Variants in MMP20 observed in about 807,000 individuals in gnomAD.
The protein encoded by MMP20 is matrix metallopeptidase 20.
Under a neutral mutation model 51.8 loss-of-function variants are expected in MMP20, and 50 were observed. The observed-to-expected ratio is 0.97, with a 90% confidence interval of 0.77 to 1.22. The LOEUF (loss-of-function observed/expected upper bound fraction) is 1.22. Ranked by LOEUF, MMP20 falls within the 50% of genes most tolerant of loss-of-function variation. The pLI is 0.00. For synonymous variants in MMP20, 244 were observed against 216.2 expected, an observed-to-expected ratio of 1.13 and a Z score of -1.13; for missense variants, 663 against 601.4, an observed-to-expected ratio of 1.10 and a Z score of -1.07.
chr11:102,611,152 T>C (rs1475894899), intron 3 of MMP20, among the ~76,000 whole-genome samples: 1 of 152,212 alleles, frequency 6.6e-6, no homozygotes, highest in Non-Finnish European at 1.5e-5. Context: ...AGATTAAAAT[T>C]AAGATCTGGG....
Position 102,616,946 on chromosome 11 carries a change from G to A in MMP20, c.240C>T (p.Gly80=). The change falls in exon 2 of 10, where the codon GGC becomes GGT. Residue 80 remains glycine, a synonymous_variant. Coordinates refer to ENST00000260228, the MANE Select transcript of MMP20 (RefSeq NM_004771.4). ...RKIKELQAFF[G]LQVTGKLDQT... is the part of the protein sequence containing the mutation. ...GGTCTAACTTCCCGGTGACTTGGAGGCCAAAGAACGCTTGTAGCTCCTTAA... is the reference window on the plus strand; with the variant it reads ...GGTCTAACTTCCCGGTGACTTGGAGACCAAAGAACGCTTGTAGCTCCTTAA... 6.2e-7 allele frequency: 1 copy of A among 1,614,174 alleles called. No individual in the cohort carries two copies. Among genetic ancestry groups the A allele is most frequent in the Non-Finnish European group, 8.5e-7 (1 of 1,180,046 alleles).
At chr11:102,601,798 C>G (rs1280408938) in intron 6 of MMP20, among the ~76,000 whole-genome samples, 2 of 152,172 alleles carry the variant, frequency 1.3e-5, no homozygotes, top group African/African-American at 2.4e-5. Context: ...AGGCTTCTAC[C>G]TGCTTTAACT....
At chr11:102,623,862 G>T (rs942460116) in intron 1 of MMP20, among the ~76,000 whole-genome samples, 6 of 152,202 alleles carry the variant, frequency 3.9e-5, no homozygotes, top group South Asian at 2.1e-4. Flanking sequence ...ATGAGGCAGG[G>T]TAGGGAAAAT....
At chr11:102,597,853 C>T (rs111510754) in intron 6 of MMP20, among the ~76,000 whole-genome samples, 172 of 152,106 alleles carry the variant, frequency 1.1e-3, no homozygotes, top group African/African-American at 4.1e-3. Context: ...TGGCAACTTC[C>T]GCCTCCTGGG....
chr11:102,584,199 C>G (rs915137008), intron 8 of MMP20, among the ~76,000 whole-genome samples: 15 of 152,150 alleles, frequency 9.9e-5, no homozygotes, highest in African/African-American at 3.6e-4. Flanking sequence ...TTTTGAGGAG[C>G]AGGAGACTGC....
chr11:102,614,940 A>G (rs1859648642), intron 2 of MMP20, among the ~76,000 whole-genome samples: 1 of 152,094 alleles, frequency 6.6e-6, no homozygotes. Flanking sequence ...TGAACCACTC[A>G]GATTATACAG....
intron 6 of MMP20, among the ~76,000 whole-genome samples, chr11:102,601,933 C>G (rs1006619869): frequency 2.8e-5 from 4 of 143,990 alleles, no homozygotes; most frequent in African/African-American, 1.0e-4. Context: ...CTTAAAAATG[C>G]TTTTCTTTTC....
At chr11:102,615,539 T>A (rs960522379) in intron 2 of MMP20, among the ~76,000 whole-genome samples, 1 of 152,116 alleles carries the variant, frequency 6.6e-6, no homozygotes, top group Admixed American at 6.5e-5. Flanking sequence ...CTAGATGTGC[T>A]CATCCTAAAA....
intron 8 of MMP20, among the ~76,000 whole-genome samples, chr11:102,579,628 C>T (rs567581329): frequency 6.6e-6 from 1 of 152,208 alleles, no homozygotes; most frequent in East Asian, 1.9e-4. Flanking sequence ...TTGTTTAAAT[C>T]GGGCTCTTAA....
At chr11:102,580,746 A>C (rs1184266320) in intron 8 of MMP20, among the ~76,000 whole-genome samples, 1 of 152,252 alleles carries the variant, frequency 6.6e-6, no homozygotes, top group Non-Finnish European at 1.5e-5. Flanking sequence ...TTAACCATCA[A>C]AAGAACTACT....
chr11:102,577,353 C>G lies in MMP20; in HGVS notation c.1425G>C (p.Val475=), dbSNP rs1340863351. The G allele has an allele frequency of 6.2e-7, 1 of 1,613,878 alleles. No homozygotes were observed. The highest frequency in any genetic ancestry group is 8.5e-7 in the Non-Finnish European group (1 of 1,179,786). Residue 475 remains valine, a synonymous_variant, in exon 10 of 10, where the codon GTG becomes GTC. Coordinates refer to ENST00000260228, the MANE Select transcript of MMP20 (RefSeq NM_004771.4). ...AGCAACCAATCCAGGAACTAGATTT[C>G]ACCACACTAACCACATCTTCCTTCT... ...DTEKEDVVSV[V]KSSSWIGC
intron 6 of MMP20, among the ~76,000 whole-genome samples, chr11:102,595,363 A>C (rs766110698): frequency 8.5e-5 from 13 of 152,362 alleles, no homozygotes; most frequent in Middle Eastern, 3.4e-3. Flanking sequence ...TAATGAAAGA[A>C]TATAGCAAAG....
rs183768906 is a variant in MMP20 at position 102,607,436 on chromosome 11, C to G, written c.812-760G>C. The stretch of plus-strand genomic sequence containing the variant: ...GGCAGGTTCCTGCTCTTTGATGAAG[C>G]CTCGTCATAATTACAGGTGAGAGTC... On this transcript the variant is annotated intron_variant, in intron 5 of 9. Coordinates refer to ENST00000260228, the MANE Select transcript of MMP20 (RefSeq NM_004771.4). 4.6e-3 allele frequency: 709 copies of G among 153,150 alleles called. 7 individuals are homozygous for G. The highest frequency in any genetic ancestry group is 4.8e-3 in the Non-Finnish European group (331 of 68,784). The allele number at this position is 153,150 out of a possible 1,614,324, so 9.5% of individuals were successfully genotyped here.
At chr11:102,619,546 A>T (rs557784887) in intron 1 of MMP20, among the ~76,000 whole-genome samples, 1 of 149,900 alleles carries the variant, frequency 6.7e-6, no homozygotes, top group African/African-American at 2.4e-5. Flanking sequence ...ATCAAGATAA[A>T]TCATAATTTA....
Position 102,611,835 on chromosome 11 carries a change from G to C in MMP20, c.443C>G (p.Ala148Gly). The C allele has an allele frequency of 1.2e-6, 2 of 1,614,200 alleles. No homozygotes were observed. The highest frequency in any genetic ancestry group is 1.7e-6 in the Non-Finnish European group (2 of 1,180,010). ...GCTCAGAGGGACGGCGCTACTCCAG[G>C]CCTGCAAGGCCATCTCCACTGCTTT... Reference protein sequence around the residue: ...VDKAVEMALQAWSSAVPLSFV... With the variant: ...VDKAVEMALQGWSSAVPLSFV... The change falls in exon 3 of 10, where the codon GCC (alanine) becomes GGC (glycine). Residue 148 changes from alanine to glycine, a missense_variant. Transcript: ENST00000260228.
At chr11:102,598,479 G>T (rs1265720189) in intron 6 of MMP20, among the ~76,000 whole-genome samples, 5 of 152,158 alleles carry the variant, frequency 3.3e-5, no homozygotes, top group Non-Finnish European at 7.4e-5. Context: ...TGCTATGCTG[G>T]CACATAGTCA....
At chr11:102,594,319 G>A (rs922623483) in intron 7 of MMP20, among the ~76,000 whole-genome samples, 11 of 152,140 alleles carry the variant, frequency 7.2e-5, no homozygotes, top group African/African-American at 2.7e-4. Flanking sequence ...AGTATACACT[G>A]TCACTCTGAG....
chr11:102,588,128 T>A (rs1859274920), intron 8 of MMP20, among the ~76,000 whole-genome samples: 1 of 152,106 alleles, frequency 6.6e-6, no homozygotes, highest in South Asian at 2.1e-4. Context: ...ATTTCCTTAG[T>A]GGTTGATGTA....
chr11:102,609,572 C>G (rs1456311256), intron 4 of MMP20, among the ~76,000 whole-genome samples: 1 of 152,170 alleles, frequency 6.6e-6, no homozygotes, highest in African/African-American at 2.4e-5. Context: ...AGTACTGATT[C>G]TCTTGGGTCA....
Sources: gnomAD v4.1 joint callset for allele counts (sites outside exome capture counted in the v4.1 genomes callset) on GRCh38, gnomAD v4.1.1 for gene constraint, MANE v1.5 for transcripts, NCBI Gene and HGNC (gene_info 2026-07-23, HGNC 2026-07-21) for gene names.